EPHA6: variants seen among roughly 807,000 people sequenced by gnomAD.
EPHA6 encodes the protein EPH receptor A6, also known as ephrin type-A receptor 6.
EPHA6 carries 50 observed loss-of-function variants against 112.0 expected under a neutral mutation model. That is an observed-to-expected ratio of 0.45 (90% confidence interval 0.36 to 0.56). The LOEUF is 0.56. Ranked by LOEUF, EPHA6 falls within the 20% of genes least tolerant of loss-of-function variation. The probability of loss-of-function intolerance (pLI) is 0.00; values close to 1 mark genes in which losing one functional copy is unlikely to be tolerated. For synonymous variants in EPHA6, 529 were observed against 490.7 expected (o/e 1.08, Z -1.03); for missense variants, 1,280 against 1,417.4 (o/e 0.90, Z 1.56).
intron 3 of EPHA6, among the ~76,000 whole-genome samples, chr3:97,115,368 G>GA (rs144338280): frequency 2.6e-5 from 4 of 151,406 alleles, no homozygotes; most frequent in Non-Finnish European, 5.9e-5. Context: ...CCAGGTGAAA[G>GA]AAAAAAAATG....
chr3:97,612,576 G>T, intron 13 of EPHA6: 2 of 210,992 alleles, frequency 9.5e-6, no homozygotes, highest in East Asian at 2.1e-4. Context: ...ACAAATAAAA[G>T]ATTTACTTCT....
intron 3 of EPHA6, among the ~76,000 whole-genome samples, chr3:97,060,645 C>G (rs1188773393): frequency 2.0e-5 from 3 of 152,106 alleles, no homozygotes; most frequent in African/African-American, 7.2e-5. Flanking sequence ...GGCGCGGTGG[C>G]TCACGCCTGT....
intron 7 of EPHA6, among the ~76,000 whole-genome samples, chr3:97,474,533 T>A (rs1267580200): frequency 1.3e-5 from 2 of 151,960 alleles, no homozygotes; most frequent in Non-Finnish European, 2.9e-5. Context: ...TGTGCTTCTG[T>A]TTTCTTACCT....
At chr3:97,300,635 G>A (rs1056151420) in intron 5 of EPHA6, among the ~76,000 whole-genome samples, 2 of 152,040 alleles carry the variant, frequency 1.3e-5, no homozygotes, top group Non-Finnish European at 1.5e-5. Flanking sequence ...TAAATACCAG[G>A]AGACCTCTAG....
intron 5 of EPHA6, among the ~76,000 whole-genome samples, chr3:97,323,616 G>T (rs1318156518): frequency 7.0e-6 from 1 of 143,702 alleles, no homozygotes; most frequent in Non-Finnish European, 1.5e-5. Context: ...CTCTACAGAA[G>T]ACAAAGCTCT....
At chr3:96,903,752 A>G (rs970282798) in intron 2 of EPHA6, among the ~76,000 whole-genome samples, 6 of 152,194 alleles carry the variant, frequency 3.9e-5, no homozygotes, top group African/African-American at 1.4e-4. Flanking sequence ...AACTCAAACA[A>G]ATTTACAAGA....
At chr3:97,251,250 G>A (rs1447029593) in intron 5 of EPHA6, among the ~76,000 whole-genome samples, 1 of 152,094 alleles carries the variant, frequency 6.6e-6, no homozygotes, top group Non-Finnish European at 1.5e-5. Flanking sequence ...AAAACAAAAG[G>A]CCGGGCGCAG....
At chr3:97,048,617 T>G (rs1014427461) in intron 3 of EPHA6, among the ~76,000 whole-genome samples, 1 of 152,062 alleles carries the variant, frequency 6.6e-6, no homozygotes, top group Non-Finnish European at 1.5e-5. Context: ...TAGTGATGGG[T>G]GGGATTGATG....
intron 5 of EPHA6, among the ~76,000 whole-genome samples, chr3:97,317,923 G>A (rs573772629): frequency 6.6e-6 from 1 of 152,022 alleles, no homozygotes; most frequent in Non-Finnish European, 1.5e-5. Flanking sequence ...GGGACTAGAG[G>A]ATTACATTTG....
At chr3:97,577,532 G>C (rs2093398103) in intron 11 of EPHA6, among the ~76,000 whole-genome samples, 1 of 151,994 alleles carries the variant, frequency 6.6e-6, no homozygotes, top group African/African-American at 2.4e-5. Context: ...TGTCTTGAGA[G>C]AGCTCACAAA....
intron 4 of EPHA6, among the ~76,000 whole-genome samples, chr3:97,227,154 G>T (rs532520751): frequency 9.9e-5 from 15 of 150,760 alleles, no homozygotes; most frequent in African/African-American, 3.4e-4. Context: ...TTTTTTTAAA[G>T]TTTTGTTTAA....
chr3:97,386,186 A>T (rs139516075), intron 5 of EPHA6, among the ~76,000 whole-genome samples: 1 of 152,308 alleles, frequency 6.6e-6, no homozygotes, highest in African/African-American at 2.4e-5. Flanking sequence ...GAAATAAAAA[A>T]AGTCTTAGTT....
At chr3:97,346,083 AT>A (rs920784174) in intron 5 of EPHA6, among the ~76,000 whole-genome samples, 11 of 149,812 alleles carry the variant, frequency 7.3e-5, no homozygotes, top group South Asian at 2.1e-4. Context: ...GGTTTCTGAT[AT>A]TTTTTTTTTC....
chr3:97,195,632 A>T (rs1355305373), intron 3 of EPHA6, among the ~76,000 whole-genome samples: 1 of 151,980 alleles, frequency 6.6e-6, no homozygotes, highest in Non-Finnish European at 1.5e-5. Flanking sequence ...ATTTTCTTTC[A>T]GATTGAAGAA....
intron 5 of EPHA6, among the ~76,000 whole-genome samples, chr3:97,399,696 AT>A (rs2086880855): frequency 6.6e-6 from 1 of 151,776 alleles, no homozygotes; most frequent in South Asian, 2.1e-4. Context: ...GATGATGAGC[AT>A]TTTTTATATA....
chr3:97,609,143 A>C (rs571543808), intron 12 of EPHA6, among the ~76,000 whole-genome samples: 1 of 151,508 alleles, frequency 6.6e-6, no homozygotes, highest in African/African-American at 2.4e-5. Flanking sequence ...ACAGATTAAA[A>C]AGCTGTGACT....
chr3:97,630,010 A>G (rs2093890054), intron 13 of EPHA6, among the ~76,000 whole-genome samples: 1 of 152,166 alleles, frequency 6.6e-6, no homozygotes, highest in Non-Finnish European at 1.5e-5. Flanking sequence ...ATTCAGTAGT[A>G]ACCTTTGTAA....
intron 5 of EPHA6, among the ~76,000 whole-genome samples, chr3:97,370,452 A>G (rs2084983493): frequency 6.6e-6 from 1 of 152,150 alleles, no homozygotes; most frequent in Non-Finnish European, 1.5e-5. Flanking sequence ...CTACTATATT[A>G]TGGAGATATC....
At chr3:96,966,343 G>T (rs1304943407) in intron 2 of EPHA6, among the ~76,000 whole-genome samples, 2 of 152,040 alleles carry the variant, frequency 1.3e-5, no homozygotes, top group African/African-American at 4.8e-5. Context: ...GAGCCAGCTG[G>T]CAAAGCAGAA....
Sources: gnomAD v4.1 joint callset for allele counts (sites outside exome capture counted in the v4.1 genomes callset) on GRCh38, gnomAD v4.1.1 for gene constraint, MANE v1.5 for transcripts, NCBI Gene and HGNC (gene_info 2026-07-23, HGNC 2026-07-21) for gene names.